CFAP54: variants seen among roughly 807,000 people sequenced by gnomAD.
The protein encoded by CFAP54 is cilia- and flagella-associated protein 54.
Under a neutral mutation model 370.4 loss-of-function variants are expected in CFAP54, and 290 were observed. The observed-to-expected ratio is 0.78, with a 90% CI of 0.71 to 0.86. The LOEUF (loss-of-function observed/expected upper bound fraction) is 0.86. Among genes scored for constraint, CFAP54 ranks in the 40% least tolerant of loss-of-function variants. The probability of loss-of-function intolerance (pLI) is 0.00; values close to 1 mark genes in which losing one functional copy is unlikely to be tolerated. For synonymous variants in CFAP54, 1,206 were observed against 1,236.5 expected (o/e 0.98, Z 0.52); for missense variants, 3,399 against 3,528.7 (o/e 0.96, Z 0.93).
Position 96,849,967 on chromosome 12 carries a change from G to A in CFAP54, c.9172-10852G>A, listed in dbSNP as rs560539798. Among the ~76,000 whole-genome samples the A allele has an allele frequency of 4.6e-5, 7 of 152,104 alleles. No homozygotes were observed. In the East Asian group the frequency reaches 5.8e-4, roughly 13 times the overall value. The stretch of plus-strand genomic sequence containing the variant: ...GAATGGAACCTTGGTACCCTTTCCC[G>A]GGCAATTTGGACTCAAAGATATTTA... On this transcript the variant is annotated intron_variant, in intron 66 of 67. Coordinates refer to ENST00000524981, the MANE Select transcript of CFAP54 (RefSeq NM_001306084.2).
At chr12:96,845,273 G>A (rs1179079430) in intron 66 of CFAP54, among the ~76,000 whole-genome samples, 2 of 152,184 alleles carry the variant, frequency 1.3e-5, no homozygotes, top group African/African-American at 4.8e-5. Flanking sequence ...TGGTTATATA[G>A]TAGTATGCAT....
chr12:96,755,140 T>C (rs1958239269), intron 56 of CFAP54, among the ~76,000 whole-genome samples: 1 of 152,330 alleles, frequency 6.6e-6, no homozygotes, highest in South Asian at 2.1e-4. Context: ...TTCAGCCATT[T>C]GCTGACTTTT....
intron 4 of CFAP54, among the ~76,000 whole-genome samples, chr12:96,510,795 T>C (rs1472653885): frequency 6.6e-6 from 1 of 151,886 alleles, no homozygotes; most frequent in Non-Finnish European, 1.5e-5. Context: ...GACCCCTGTC[T>C]CTACTAAAAA....
intron 60 of CFAP54, among the ~76,000 whole-genome samples, chr12:96,781,413 A>G (rs943600433): frequency 1.3e-5 from 2 of 152,154 alleles, no homozygotes; most frequent in African/African-American, 2.4e-5. Flanking sequence ...GTGGGTCACA[A>G]GGTTTGACAG....
intron 67 of CFAP54, among the ~76,000 whole-genome samples, chr12:96,864,222 CAG>C (rs1327842114): frequency 2.0e-5 from 3 of 151,934 alleles, no homozygotes; most frequent in South Asian, 2.1e-4. Flanking sequence ...TTAATTATAA[CAG>C]AGAATGACAG....
intron 32 of CFAP54, among the ~76,000 whole-genome samples, chr12:96,634,532 C>T (rs1033374437): frequency 1.4e-4 from 22 of 151,846 alleles, no homozygotes; most frequent in African/African-American, 5.3e-4. Context: ...ATACTTTTTC[C>T]CAGTATGTGG....
intron 1 of CFAP54, among the ~76,000 whole-genome samples, chr12:96,491,854 G>C (rs931812508): frequency 3.3e-5 from 5 of 152,160 alleles, no homozygotes; most frequent in South Asian, 2.1e-4. Flanking sequence ...CTGCCTCCCA[G>C]GTTTAAGCGA....
intron 66 of CFAP54, among the ~76,000 whole-genome samples, chr12:96,853,228 A>G (rs761940492): frequency 1.3e-5 from 2 of 152,198 alleles, no homozygotes; most frequent in Non-Finnish European, 2.9e-5. Flanking sequence ...TCATACAATG[A>G]AAACTACGTA....
At chr12:96,796,595 A>G (rs1958765160) in intron 63 of CFAP54, among the ~76,000 whole-genome samples, 1 of 152,118 alleles carries the variant, frequency 6.6e-6, no homozygotes, top group African/African-American at 2.4e-5. Flanking sequence ...GATTGGGCCA[A>G]TATCTTCTCT....
chr12:96,740,813 G>A (rs534943188), intron 51 of CFAP54, among the ~76,000 whole-genome samples: 1 of 152,112 alleles, frequency 6.6e-6, no homozygotes, highest in Admixed American at 6.5e-5. Flanking sequence ...GGGAAATTTG[G>A]CAATGTCTGG....
At chr12:96,532,683 C>T (rs981954771) in intron 9 of CFAP54, among the ~76,000 whole-genome samples, 19 of 152,106 alleles carry the variant, frequency 1.2e-4, no homozygotes, top group African/African-American at 4.3e-4. Context: ...TGCAATGGTG[C>T]GATCATTCTT....
chr12:96,755,666 C>CTTTTTTTTTTTT (rs71758359), intron 56 of CFAP54, among the ~76,000 whole-genome samples: 4 of 88,020 alleles, frequency 4.5e-5, no homozygotes, highest in Admixed American at 3.6e-4. Context: ...TTCTTTTTTC[C>CTTTTTTTTTTTT]TTTTTTTTTT....
At chr12:96,498,008 C>A (rs1451682112) in intron 1 of CFAP54, among the ~76,000 whole-genome samples, 1 of 152,186 alleles carries the variant, frequency 6.6e-6, no homozygotes, top group Non-Finnish European at 1.5e-5. Flanking sequence ...GATCCAAGAG[C>A]CCTCTCTTGT....
At chr12:96,759,303 A>T (rs5800269) in intron 58 of CFAP54, among the ~76,000 whole-genome samples, 1 of 150,972 alleles carries the variant, frequency 6.6e-6, no homozygotes, top group African/African-American at 2.4e-5. Context: ...AAAAAAAAAA[A>T]CCCTTGTTTT....
intron 39 of CFAP54, among the ~76,000 whole-genome samples, chr12:96,667,718 A>G (rs1957098316): frequency 6.6e-6 from 1 of 152,108 alleles, no homozygotes; most frequent in Non-Finnish European, 1.5e-5. Context: ...ATGTGGAGAC[A>G]TTTTCCCCAT....
At chr12:96,645,757 G>A (rs1199104277) in intron 33 of CFAP54, 1 of 152,160 alleles carries the variant, frequency 6.6e-6, no homozygotes, top group East Asian at 1.9e-4. Context: ...CAGAGATATA[G>A]ACAAATGGAA....
intron 64 of CFAP54, among the ~76,000 whole-genome samples, chr12:96,812,539 G>A (rs1486589111): frequency 6.6e-6 from 1 of 152,050 alleles, no homozygotes; most frequent in Non-Finnish European, 1.5e-5. Flanking sequence ...CTCCATTGTA[G>A]GATGGAAATG....
In CFAP54 at chr12:96,806,170, AT is replaced by A. The variant is rs1237645607; in HGVS notation, c.8851-5565del. Among the ~76,000 whole-genome samples, 5 of 42,546 alleles carry A rather than the reference AT, an allele frequency of 1.2e-4. 1 individual carries two copies. Among genetic ancestry groups the A allele is most frequent in the South Asian group, 1.2e-3 (1 of 832 alleles). 27.9% of individuals were successfully genotyped at this position (42,546 alleles called of 152,430 possible). ...TTTGTCACTAGCCAAATATATATAT[AT>A]ATATATATATATATATATATATATA... On this transcript the variant is annotated intron_variant, in intron 63 of 67. Coordinates refer to ENST00000524981, the MANE Select transcript of CFAP54 (RefSeq NM_001306084.2).
Position 96,591,735 on chromosome 12 carries a change from A to G in CFAP54, c.3213-755A>G, listed in dbSNP as rs1354127405. Among the ~76,000 whole-genome samples, 3 of 151,738 alleles carry G rather than the reference A, an allele frequency of 2.0e-5. No homozygotes were observed. The East Asian group carries it at 5.8e-4, about 29-fold the overall frequency. ...AAACCCCGTCTCTACTAAAAATACA[A>G]AAAAAATTAGCCGGGCATGGTGGCG... is the stretch of plus-strand genomic sequence containing the variant. On this transcript the variant is annotated intron_variant, in intron 23 of 67. Transcript: ENST00000524981.
Sources: allele counts gnomAD v4.1 joint callset (sites outside exome capture counted in the v4.1 genomes callset), GRCh38; gene constraint gnomAD v4.1.1; transcripts MANE v1.5; gene names NCBI Gene and HGNC (gene_info 2026-07-23, HGNC 2026-07-21).